The following XKR9 variants were observed in gnomAD, a reference collection of about 807,000 sequenced individuals.
The protein encoded by XKR9 is XK-related protein 9.
Under a neutral mutation model 32.0 loss-of-function variants are expected in XKR9, and 32 were observed. The ratio of observed to expected loss-of-function variants is 1.00; its 90% CI spans 0.76 to 1.34. The LOEUF is 1.34. XKR9 is among the 40% of genes most tolerant of loss of function. XKR9 has a pLI of 0.00. For missense variants in XKR9, 546 were observed against 429.7 expected (o/e 1.27, Z -2.39); for synonymous variants, 168 against 143.4 (o/e 1.17, Z -1.22).
chr8:71,054,796 G>A, the XKR9 span, among the ~76,000 whole-genome samples: 2 of 152,024 alleles, frequency 1.3e-5, no homozygotes, highest in African/African-American at 2.4e-5. Context: ...TTTGGTGGGA[G>A]GATTCAAAAG....
the XKR9 span, among the ~76,000 whole-genome samples, chr8:70,868,982 C>G: frequency 7.2e-5 from 11 of 152,220 alleles, no homozygotes; most frequent in African/African-American, 2.7e-4. Context: ...CCACCAGTCT[C>G]TTTGCTAAAA....
chr8:70,866,903 G>A, the XKR9 span, among the ~76,000 whole-genome samples: 2 of 152,136 alleles, frequency 1.3e-5, no homozygotes, highest in African/African-American at 4.8e-5. Context: ...TGTAATGTAG[G>A]TATTATTGTT....
At chr8:70,887,901 T>C in the XKR9 span, among the ~76,000 whole-genome samples, 3 of 152,282 alleles carry the variant, frequency 2.0e-5, no homozygotes, top group South Asian at 4.1e-4. Flanking sequence ...TCTTCCTATT[T>C]GAATACCCTT....
the XKR9 span, among the ~76,000 whole-genome samples, chr8:70,840,915 G>A: frequency 2.0e-5 from 3 of 152,108 alleles, no homozygotes; most frequent in African/African-American, 7.2e-5. Flanking sequence ...ATATCAAACT[G>A]AAAGATTAAA....
At chr8:70,736,959 T>A (rs920922184), downstream of XKR9, among the ~76,000 whole-genome samples, 7 of 152,152 alleles carry the variant, frequency 4.6e-5, no homozygotes, top group African/African-American at 1.5e-4. Flanking sequence ...GGGCTCTTTT[T>A]TGGTTCCATA....
intron 4 of XKR9, among the ~76,000 whole-genome samples, chr8:70,719,658 C>A (rs1806209394): frequency 6.6e-6 from 1 of 152,114 alleles, no homozygotes; most frequent in Admixed American, 6.5e-5. Context: ...TTCTATATAT[C>A]TGTTTTGGTA....
intron 2 of XKR9, among the ~76,000 whole-genome samples, chr8:70,745,691 A>G (rs899408062): frequency 2.0e-5 from 3 of 152,224 alleles, no homozygotes; most frequent in Non-Finnish European, 2.9e-5. Flanking sequence ...GTTTCAAAAC[A>G]GCCACTAGAG....
At chr8:71,002,235 C>G in the XKR9 span, among the ~76,000 whole-genome samples, 1 of 151,632 alleles carries the variant, frequency 6.6e-6, no homozygotes, top group African/African-American at 2.4e-5. Flanking sequence ...GGTCAGTGGT[C>G]AAATTGTTGG....
intron 2 of XKR9, among the ~76,000 whole-genome samples, chr8:70,784,559 C>T (rs1807658404): frequency 6.6e-6 from 1 of 151,374 alleles, no homozygotes; most frequent in Admixed American, 6.6e-5. Flanking sequence ...TGCAACTTTA[C>T]TGTATTTATT....
the XKR9 span, among the ~76,000 whole-genome samples, chr8:70,923,686 G>A: frequency 1.3e-5 from 2 of 152,200 alleles, no homozygotes; most frequent in Admixed American, 1.3e-4. Flanking sequence ...CATGTGATGT[G>A]GTGTTGAAGT....
At chr8:70,902,011 G>A in the XKR9 span, among the ~76,000 whole-genome samples, 4 of 152,188 alleles carry the variant, frequency 2.6e-5, no homozygotes, top group African/African-American at 9.6e-5. Context: ...TTGTTCCATT[G>A]GTCTATATAT....
the XKR9 span, among the ~76,000 whole-genome samples, chr8:70,950,831 GC>G: frequency 2.0e-5 from 3 of 151,988 alleles, no homozygotes; most frequent in Non-Finnish European, 4.4e-5. Flanking sequence ...CCACCACCAT[GC>G]CCAGCTAATT....
intron 2 of XKR9, among the ~76,000 whole-genome samples, chr8:70,763,807 G>C (rs1185176275): frequency 6.6e-6 from 1 of 152,132 alleles, no homozygotes; most frequent in Non-Finnish European, 1.5e-5. Flanking sequence ...TTATACCCTG[G>C]CCTTGTTGCT....
chr8:71,050,616 G>C, the XKR9 span, among the ~76,000 whole-genome samples: 27 of 152,082 alleles, frequency 1.8e-4, no homozygotes, highest in African/African-American at 6.3e-4. Flanking sequence ...GTCAGAACTT[G>C]GGGGGTGGAT....
chr8:70,794,710 C>T (rs1223273020), downstream of XKR9, among the ~76,000 whole-genome samples: 1 of 151,418 alleles, frequency 6.6e-6, no homozygotes, highest in African/African-American at 2.4e-5. Flanking sequence ...CTACTTATTC[C>T]AGGTGTCTTA....
chr8:70,784,026 A>C (rs935043144), intron 2 of XKR9, among the ~76,000 whole-genome samples: 1 of 152,098 alleles, frequency 6.6e-6, no homozygotes, highest in African/African-American at 2.4e-5. Context: ...ACATGAGTTT[A>C]TTTCTGGGAT....
chr8:70,720,827 G>A (rs1439533443), intron 4 of XKR9, among the ~76,000 whole-genome samples: 1 of 152,148 alleles, frequency 6.6e-6, no homozygotes, highest in Non-Finnish European at 1.5e-5. Context: ...AAATGAGTTA[G>A]GGAGGAGTCC....
At chr8:70,961,335 T>C in the XKR9 span, among the ~76,000 whole-genome samples, 1 of 152,112 alleles carries the variant, frequency 6.6e-6, no homozygotes, top group Non-Finnish European at 1.5e-5. Flanking sequence ...GGAAGTTAGA[T>C]ATGACAGGAT....
chr8:70,723,967 C>T (rs1043914078), intron 4 of XKR9, among the ~76,000 whole-genome samples: 1 of 150,804 alleles, frequency 6.6e-6, no homozygotes, highest in African/African-American at 2.4e-5. Flanking sequence ...TTTTTAAGTC[C>T]GCTGAAACTG....
Sources: allele counts gnomAD v4.1 joint callset (sites outside exome capture counted in the v4.1 genomes callset), GRCh38; gene constraint gnomAD v4.1.1; transcripts MANE v1.5; gene names NCBI Gene and HGNC (gene_info 2026-07-23, HGNC 2026-07-21).